The following SH3BGR variants were observed in gnomAD, a reference collection of about 807,000 sequenced individuals.
SH3BGR encodes SH3 domain-binding glutamic acid-rich protein.
Under a neutral mutation model 24.5 loss-of-function variants are expected in SH3BGR, and 29 were observed. That is an observed-to-expected ratio of 1.18 (90% confidence interval 0.88 to 1.61). SH3BGR has a LOEUF of 1.61. Ranked by LOEUF, SH3BGR falls within the 40% of genes most tolerant of loss-of-function variation. The pLI, the probability that SH3BGR is intolerant of heterozygous loss-of-function variation, is 0.00. For missense variants in SH3BGR, 162 were observed against 205.8 expected (o/e 0.79, Z 1.30); for synonymous variants, 55 against 65.7 (o/e 0.84, Z 0.79).
intron 4 of SH3BGR, among the ~76,000 whole-genome samples, chr21:39,502,622 G>A (rs1437007460): frequency 1.3e-5 from 2 of 152,210 alleles, no homozygotes; most frequent in Admixed American, 1.3e-4. Context: ...TGGCTGGCAG[G>A]AGCTTCCAGC....
intron 3 of SH3BGR, among the ~76,000 whole-genome samples, chr21:39,498,908 A>G (rs1376318245): frequency 6.6e-6 from 1 of 152,228 alleles, no homozygotes; most frequent in Non-Finnish European, 1.5e-5. Flanking sequence ...TTATAAAGGA[A>G]AGAGGTTTAA....
At chr21:39,494,794 C>T (rs1602147913) in intron 3 of SH3BGR, among the ~76,000 whole-genome samples, 1 of 151,846 alleles carries the variant, frequency 6.6e-6, no homozygotes, top group Non-Finnish European at 1.5e-5. Flanking sequence ...ATTATTTCTG[C>T]TCCATTTGTT....
At chr21:39,452,756 G>A (rs1263340452) in intron 1 of SH3BGR, among the ~76,000 whole-genome samples, 3 of 152,122 alleles carry the variant, frequency 2.0e-5, no homozygotes, top group Non-Finnish European at 4.4e-5. Context: ...TTCATAACCA[G>A]TGCTTTGTCT....
chr21:39,502,390 C>T (rs1351893684), intron 4 of SH3BGR, among the ~76,000 whole-genome samples: 3 of 152,150 alleles, frequency 2.0e-5, no homozygotes, highest in Admixed American at 6.5e-5. Flanking sequence ...CTCCTGGCTC[C>T]GTTGAAACCA....
intron 3 of SH3BGR, among the ~76,000 whole-genome samples, chr21:39,497,940 C>T (rs1396139052): frequency 6.6e-6 from 1 of 152,136 alleles, no homozygotes; most frequent in Non-Finnish European, 1.5e-5. Flanking sequence ...CCATTTTATT[C>T]AGTTTAGTAC....
At chr21:39,493,278 T>G (rs1319182839) in intron 3 of SH3BGR, among the ~76,000 whole-genome samples, 1 of 152,230 alleles carries the variant, frequency 6.6e-6, no homozygotes, top group Non-Finnish European at 1.5e-5. Context: ...ATGATCCATC[T>G]TGAGTTGATA....
chr21:39,480,012 C>G (rs1032643922), intron 3 of SH3BGR, among the ~76,000 whole-genome samples: 2 of 152,168 alleles, frequency 1.3e-5, no homozygotes, highest in African/African-American at 4.8e-5. Context: ...TCATGATTAA[C>G]TAGAAACTGC....
At chr21:39,495,845 C>G (rs2078385483) in intron 3 of SH3BGR, among the ~76,000 whole-genome samples, 1 of 152,088 alleles carries the variant, frequency 6.6e-6, no homozygotes, top group African/African-American at 2.4e-5. Flanking sequence ...AATTCACCAT[C>G]ATCAAACAAT....
chr21:39,450,441 T>C (rs2077560328), upstream of SH3BGR, among the ~76,000 whole-genome samples: 1 of 152,214 alleles, frequency 6.6e-6, no homozygotes, highest in African/African-American at 2.4e-5. Flanking sequence ...ATGTCTTTTC[T>C]CGTTGCAGGC....
intron 1 of SH3BGR, among the ~76,000 whole-genome samples, chr21:39,460,618 T>C (rs2148458420): frequency 6.6e-6 from 1 of 152,066 alleles, no homozygotes; most frequent in Admixed American, 6.5e-5. Context: ...TTCAGGCGCA[T>C]GCCACCACGC....
chr21:39,466,565 G>A (rs538562031), intron 2 of SH3BGR, among the ~76,000 whole-genome samples: 1 of 152,164 alleles, frequency 6.6e-6, no homozygotes, highest in Non-Finnish European at 1.5e-5. Context: ...CAGCATGGCT[G>A]GAAAGGCCTC....
chr21:39,462,240 CTA>C, intron 1 of SH3BGR, 133 bp from the exon 2 acceptor site: 1 of 623,828 alleles, frequency 1.6e-6, no homozygotes. Flanking sequence ...AGGTGTGATT[CTA>C]TTATTTTCCT....
At chr21:39,510,479 A>ACACACC (rs1433855169) in intron 5 of SH3BGR, among the ~76,000 whole-genome samples, 3 of 143,004 alleles carry the variant, frequency 2.1e-5, no homozygotes, top group Non-Finnish European at 4.5e-5. Context: ...ACACACACAC[A>ACACACC]CCCCATCAAT....
chr21:39,490,055 A>G (rs145471617), intron 3 of SH3BGR, among the ~76,000 whole-genome samples: 16 of 152,354 alleles, frequency 1.1e-4, no homozygotes, highest in East Asian at 9.6e-4. Flanking sequence ...GCGCATCTCA[A>G]TTGCAGGTGA....
chr21:39,498,090 C>G (rs533094606), intron 3 of SH3BGR, among the ~76,000 whole-genome samples: 1 of 152,278 alleles, frequency 6.6e-6, no homozygotes, highest in African/African-American at 2.4e-5. Context: ...ATGAATTGAC[C>G]TGGACAAATG....
intron 1 of SH3BGR, 49 bp downstream of exon 1, chr21:39,452,190 T>G (rs1262590288): frequency 6.2e-7 from 1 of 1,611,512 alleles, no homozygotes; most frequent in Admixed American, 1.7e-5. Context: ...CTGAATAACT[T>G]AGGGTTGGAA....
intron 3 of SH3BGR, chr21:39,488,368 C>G (rs1309514159): frequency 4.4e-6 from 1 of 226,382 alleles, no homozygotes; most frequent in African/African-American, 2.3e-5. Flanking sequence ...TTCAAGGAGG[C>G]CTTCCAGCTG....
chr21:39,474,447 C>T (rs532694574), intron 2 of SH3BGR, among the ~76,000 whole-genome samples: 15 of 152,224 alleles, frequency 9.9e-5, no homozygotes, highest in African/African-American at 3.1e-4. Context: ...GGGGGAATAT[C>T]GTTTATGTTT....
At chr21:39,473,159 G>A (rs899203388) in intron 2 of SH3BGR, among the ~76,000 whole-genome samples, 1 of 152,152 alleles carries the variant, frequency 6.6e-6, no homozygotes, top group Non-Finnish European at 1.5e-5. Context: ...ATGATGAATT[G>A]TTCTTCAGCC....
Sources: gnomAD v4.1 joint callset for allele counts (sites outside exome capture counted in the v4.1 genomes callset) on GRCh38, gnomAD v4.1.1 for gene constraint, MANE v1.5 for transcripts, NCBI Gene and HGNC (gene_info 2026-07-23, HGNC 2026-07-21) for gene names.